SMC2: variants seen among roughly 807,000 people sequenced by gnomAD.
The protein encoded by SMC2 is structural maintenance of chromosomes protein 2.
A neutral mutation model predicts 142.6 loss-of-function variants in SMC2; 41 were observed. The ratio of observed to expected loss-of-function variants is 0.29; its 90% confidence interval spans 0.22 to 0.37. SMC2 has a LOEUF of 0.37. Among genes scored for constraint, SMC2 ranks in the 10% least tolerant of loss-of-function variants. The pLI is 1.00. For missense variants in SMC2, 1,265 were observed against 1,373.7 expected, an observed-to-expected ratio of 0.92 and a Z score of 1.25; for synonymous variants, 463 against 457.5, an observed-to-expected ratio of 1.01 and a Z score of -0.15.
At position 104,100,371 on chromosome 9, in the gene SMC2, T is replaced by A. The variant is rs1418682333; in HGVS notation, c.592-18T>A. On this transcript the variant is annotated intron_variant, in intron 6 of 24. Coordinates refer to ENST00000374793, the MANE Select transcript of SMC2 (RefSeq NM_006444.3). Reference sequence around the variant, plus strand: ...GATACTTTACATGCGAAAATACTGATTTTTCTTTATTTTCCAGATACTTGA... The same window carrying A: ...GATACTTTACATGCGAAAATACTGAATTTTCTTTATTTTCCAGATACTTGA... 6 of 1,514,644 alleles carry A rather than the reference T, an allele frequency of 4.0e-6. No individual in the cohort carries two copies. Among genetic ancestry groups the A allele is most frequent in the Non-Finnish European group, 4.6e-6 (5 of 1,095,350 alleles). 93.8% of individuals were successfully genotyped at this position (1,514,644 alleles called of 1,614,324 possible). A position where few individuals can be genotyped will look rare whatever the true frequency, so the allele number is the denominator to read the frequency against.
chr9:104,128,775 G>T (rs1200197663), intron 20 of SMC2, among the ~76,000 whole-genome samples: 1 of 152,144 alleles, frequency 6.6e-6, no homozygotes, highest in Non-Finnish European at 1.5e-5. Flanking sequence ...TGTATTACAT[G>T]AAAAATTATT....
chr9:104,099,363 A>G (rs1186802950), intron 4 of SMC2, among the ~76,000 whole-genome samples: 1 of 152,074 alleles, frequency 6.6e-6, no homozygotes, highest in East Asian at 1.9e-4. Flanking sequence ...TTTCTACTTA[A>G]TGTTAACTGT....
chr9:104,133,392 A>G (rs1401345920), intron 22 of SMC2, among the ~76,000 whole-genome samples: 2 of 152,162 alleles, frequency 1.3e-5, no homozygotes, highest in Non-Finnish European at 2.9e-5. Flanking sequence ...GCAGCCATGT[A>G]CTTGCTTTTA....
intron 22 of SMC2, among the ~76,000 whole-genome samples, chr9:104,133,891 G>A (rs541081570): frequency 6.6e-6 from 1 of 152,100 alleles, no homozygotes; most frequent in African/African-American, 2.4e-5. Flanking sequence ...TTTTCTCCTG[G>A]GCCTCACATT....
intron 3 of SMC2, among the ~76,000 whole-genome samples, chr9:104,097,758 AGAAAT>A (rs1830620960): frequency 6.6e-6 from 1 of 152,218 alleles, no homozygotes. Context: ...TGTCAGGAAA[AGAAAT>A]GAACTAACAT....
At position 104,110,851 on chromosome 9, in the gene SMC2, A is replaced by T. The variant is rs1832357613; in HGVS notation, c.1021-730A>T. 5.9e-5 allele frequency among the ~76,000 whole-genome samples: 9 copies of T among 151,966 alleles called. No individual in the cohort carries two copies. The South Asian group carries it at 1.9e-3, about 32-fold the overall frequency. ...TCTTCTTGAAGTAATTGTTCCTATC[A>T]CTCTATTCCCCAACCTTGTTTTGTT... On this transcript the variant is annotated intron_variant, in intron 9 of 24. Transcript: ENST00000374793.
At chr9:104,133,087 G>C (rs1196627928) in intron 22 of SMC2, among the ~76,000 whole-genome samples, 1 of 152,140 alleles carries the variant, frequency 6.6e-6, no homozygotes, top group Non-Finnish European at 1.5e-5. Flanking sequence ...AGGCTTACTT[G>C]ATTGACAAAG....
chr9:104,137,609 A>T (rs992685983), intron 23 of SMC2, among the ~76,000 whole-genome samples: 2 of 152,076 alleles, frequency 1.3e-5, no homozygotes, highest in African/African-American at 2.4e-5. Context: ...GAAAAATGAC[A>T]TCTAACTCAG....
the SMC2 span, among the ~76,000 whole-genome samples, chr9:104,088,841 T>C: frequency 6.6e-6 from 1 of 152,164 alleles, no homozygotes; most frequent in Non-Finnish European, 1.5e-5. Context: ...TTCATCTTTG[T>C]ATCCCAGCAC....
At chr9:104,098,917 A>G (rs1416858125) in intron 4 of SMC2, among the ~76,000 whole-genome samples, 5 of 151,888 alleles carry the variant, frequency 3.3e-5, no homozygotes, top group Non-Finnish European at 5.9e-5. Context: ...AAGCTTGAGT[A>G]ATTTTCTTAG....
intron 9 of SMC2, among the ~76,000 whole-genome samples, chr9:104,110,185 G>A (rs988694828): frequency 6.6e-6 from 1 of 152,120 alleles, no homozygotes; most frequent in African/African-American, 2.4e-5. Flanking sequence ...CATATGAAGT[G>A]CCACTAGTGA....
At chr9:104,088,862 T>A in the SMC2 span, among the ~76,000 whole-genome samples, 1 of 152,110 alleles carries the variant, frequency 6.6e-6, no homozygotes, top group Non-Finnish European at 1.5e-5. Flanking sequence ...ATAACACAAT[T>A]CTTGGCACAA....
At position 104,129,847 on chromosome 9, in the gene SMC2, T is replaced by G; in HGVS notation, c.2991+2T>G. Reference sequence around the variant, plus strand: ...GTATTGACAGAAGCTGAAGAGCGAGTAAGTCAATTTCTTATGAATATCTGG... The same window carrying G: ...GTATTGACAGAAGCTGAAGAGCGAGGAAGTCAATTTCTTATGAATATCTGG... On this transcript the variant is annotated splice_donor_variant, in intron 21 of 24. Transcript: ENST00000374793. LOFTEE classifies it high-confidence loss of function. 1.2e-6 allele frequency: 2 copies of G among 1,609,816 alleles called. No homozygotes were observed. Among genetic ancestry groups the G allele is most frequent in the Non-Finnish European group, 1.7e-6 (2 of 1,176,652 alleles).
chr9:104,116,328 C>T lies in SMC2; in HGVS notation c.1791+9C>T, dbSNP rs1317036128. Reference sequence around the variant, plus strand: ...GAGTTGCTCAGAATCTTGTAAGTCTCATTTTGTCTTATTTATATGTTTAAT... The same window carrying T: ...GAGTTGCTCAGAATCTTGTAAGTCTTATTTTGTCTTATTTATATGTTTAAT... On this transcript the variant is annotated intron_variant, in intron 14 of 24. Coordinates refer to ENST00000374793, the MANE Select transcript of SMC2 (RefSeq NM_006444.3). 1 of 1,596,246 alleles carries T rather than the reference C, an allele frequency of 6.3e-7. No individual in the cohort carries two copies. The highest frequency in any genetic ancestry group is 1.8e-5 in the Admixed American group (1 of 55,776).
chr9:104,096,115 T>C lies in SMC2; in HGVS notation c.169-33T>C, dbSNP rs557767290. On this transcript the variant is annotated intron_variant, in intron 2 of 24. Coordinates refer to ENST00000374793, the MANE Select transcript of SMC2 (RefSeq NM_006444.3). ...TGCTGCTTTGTACGGTAGGGAGTTT[T>C]GTAATTGTTACACTTTTCATATTTT... The C allele has an allele frequency of 1.1e-5, 17 of 1,599,980 alleles. No individual in the cohort carries two copies. In the South Asian group the frequency reaches 1.7e-4, roughly 16 times the overall value.
chr9:104,118,025 A>G (rs1486124936), intron 14 of SMC2, 146 bp from the exon 15 acceptor site: 2 of 602,284 alleles, frequency 3.3e-6, no homozygotes, highest in African/African-American at 3.8e-5. Flanking sequence ...AGTTTTACAT[A>G]GCTTTTTAGA....
chr9:104,118,409 T>C (rs1833368576), intron 15 of SMC2, 34 bp downstream of exon 15: 1 of 1,557,982 alleles, frequency 6.4e-7, no homozygotes, highest in Admixed American at 1.7e-5. Flanking sequence ...TCACAATTCT[T>C]TGTGGTAAAT....
At chr9:104,095,932 C>T (rs1002143384) in intron 2 of SMC2, among the ~76,000 whole-genome samples, 10 of 152,164 alleles carry the variant, frequency 6.6e-5, no homozygotes, top group African/African-American at 2.4e-4. Context: ...GGAAACAATT[C>T]AATTCAGGGT....
chr9:104,115,914 C>CT (rs942139906), intron 13 of SMC2, among the ~76,000 whole-genome samples: 56 of 148,702 alleles, frequency 3.8e-4, no homozygotes, highest in South Asian at 1.3e-3. Context: ...ATTTGTTCAG[C>CT]TTTTTTTTTT....
Sources: allele counts gnomAD v4.1 joint callset (sites outside exome capture counted in the v4.1 genomes callset), GRCh38; gene constraint gnomAD v4.1.1; transcripts MANE v1.5; gene names NCBI Gene and HGNC (gene_info 2026-07-23, HGNC 2026-07-21).